Variants in SIRPD observed in about 807,000 individuals in gnomAD.
SIRPD encodes signal regulatory protein delta, also known as signal-regulatory protein delta.
Under a neutral mutation model 18.0 loss-of-function variants are expected in SIRPD, and 21 were observed. That is an observed-to-expected ratio of 1.17 (90% CI 0.83 to 1.68). The LOEUF (loss-of-function observed/expected upper bound fraction) is 1.68. SIRPD is among the 40% of genes most tolerant of loss of function. SIRPD has a pLI of 0.00. For missense variants in SIRPD, 295 were observed against 238.4 expected, an observed-to-expected ratio of 1.24 and a Z score of -1.56; for synonymous variants, 106 against 92.9, an observed-to-expected ratio of 1.14 and a Z score of -0.81.
At chr20:1,537,415 A>G in intron 2 of SIRPD, 105 bp from the exon 3 acceptor site, 1 of 1,303,632 alleles carries the variant, frequency 7.7e-7, no homozygotes, top group Non-Finnish European at 1.1e-6. Context: ...TAGATTGTGA[A>G]ATAGGAATCA....
intron 2 of SIRPD, among the ~76,000 whole-genome samples, chr20:1,549,625 G>C (rs965996701): frequency 1.4e-4 from 22 of 151,812 alleles, no homozygotes; most frequent in Admixed American, 2.0e-4. Context: ...GGTGGGTTTT[G>C]GTTCAAATAT....
intron 1 of SIRPD, among the ~76,000 whole-genome samples, chr20:1,556,143 G>A (rs1403105054): frequency 6.6e-6 from 1 of 152,160 alleles, no homozygotes. Context: ...ATACTCAAGG[G>A]GGAGACAGTG....
chr20:1,539,664 A>G (rs2090962163), intron 2 of SIRPD, among the ~76,000 whole-genome samples: 1 of 152,218 alleles, frequency 6.6e-6, no homozygotes, highest in African/African-American at 2.4e-5. Flanking sequence ...ATGAAAAAGT[A>G]AAAGTAACAG....
chr20:1,555,243 T>TGCTTATATGTGGAATGTC (rs2091035322), intron 1 of SIRPD, among the ~76,000 whole-genome samples: 1 of 152,198 alleles, frequency 6.6e-6, no homozygotes, highest in African/African-American at 2.4e-5. Flanking sequence ...CACATGATCT[T>TGCTTATATGTGGAATGTC]GCTTATATGT....
At chr20:1,547,190 T>G (rs1387924532) in intron 2 of SIRPD, among the ~76,000 whole-genome samples, 1 of 152,228 alleles carries the variant, frequency 6.6e-6, no homozygotes, top group Non-Finnish European at 1.5e-5. Flanking sequence ...TTGTATATGG[T>G]GTGAAGTAGG....
intron 1 of SIRPD, among the ~76,000 whole-genome samples, chr20:1,555,673 C>T (rs1452069728): frequency 6.6e-6 from 1 of 152,136 alleles, no homozygotes. Context: ...CCTTTAAAAA[C>T]AAATAAGTTC....
At chr20:1,543,306 G>A (rs138268862) in intron 2 of SIRPD, among the ~76,000 whole-genome samples, 1,536 of 152,078 alleles carry the variant, frequency 0.01, 33 homozygotes, top group African/African-American at 0.036. Flanking sequence ...CCTCAATTTC[G>A]GAACTTGTTA....
intron 1 of SIRPD, among the ~76,000 whole-genome samples, chr20:1,556,130 A>G (rs996945205): frequency 2.0e-5 from 3 of 152,238 alleles, no homozygotes; most frequent in Non-Finnish European, 2.9e-5. Context: ...TACACAACCT[A>G]ACATACTCAA....
rs746018787 is a variant in SIRPD, at chr20:1,537,228, C to A, written c.504G>T (p.Ser168=). ...RAHHDAHTCL[S]ALPERNSTNY... is the part of the protein sequence containing the mutation. ...TTGTGCTGTTTCTCTCAGGCAGGGCCGAGAGGCAGGTATGGGCATCATGGT... is the reference window on the plus strand; with the variant it reads ...TTGTGCTGTTTCTCTCAGGCAGGGCAGAGAGGCAGGTATGGGCATCATGGT... The change falls in exon 3 of 4, where the codon TCG becomes TCT. Residue 168 remains serine (S), a synonymous_variant. Transcript: ENST00000381623. The A allele has an allele frequency of 6.2e-7, 1 of 1,614,012 alleles. No homozygotes were observed. Among genetic ancestry groups the A allele is most frequent in the South Asian group, 1.1e-5 (1 of 91,078 alleles).
In SIRPD at chr20:1,537,261, G is replaced by A. The variant is rs778280557; in HGVS notation, c.471C>T (p.Ser157=). The part of the protein sequence containing the change: ...PKNRPAGRAG[S]RAHHDAHTCL... Reference sequence around the variant, plus strand: ...AGGTATGGGCATCATGGTGGGCCCTGGAGCCTGCTCTGCCTGCAGGTCTGT... The same window carrying A: ...AGGTATGGGCATCATGGTGGGCCCTAGAGCCTGCTCTGCCTGCAGGTCTGT... Residue 157 remains serine, a synonymous_variant, in exon 3 of 4, where the codon TCC becomes TCT. Coordinates refer to ENST00000381623, the MANE Select transcript of SIRPD (RefSeq NM_178460.3). The A allele has an allele frequency of 5.6e-6, 9 of 1,614,162 alleles. No individual in the cohort carries two copies. The East Asian group carries it at 2.0e-4, about 36-fold the overall frequency.
In SIRPD at chr20:1,551,761, G is replaced by A. The variant is rs376805676; in HGVS notation, c.351C>T (p.Cys117=). ...ISLADAGTYY[C]VKFIKGRAIK... is the part of the protein sequence containing the mutation. Reference sequence around the variant, plus strand: ...TAGCTCTTCCTTTTATGAACTTCACGCAGTAATAGGTGCCAGCATCAGCAA... The same window carrying A: ...TAGCTCTTCCTTTTATGAACTTCACACAGTAATAGGTGCCAGCATCAGCAA... Residue 117 remains cysteine, a synonymous_variant, in exon 2 of 4, where the codon TGC becomes TGT. Transcript: ENST00000381623. 4.1e-5 allele frequency: 66 copies of A among 1,613,930 alleles called. No individual in the cohort carries two copies. Among genetic ancestry groups the A allele is most frequent in the Middle Eastern group, 1.6e-4 (1 of 6,082 alleles).
rs1306447860 is a variant in SIRPD, at chr20:1,551,977, C to T, written c.135G>A (p.Glu45=). 2.5e-6 allele frequency: 4 copies of T among 1,614,058 alleles called. No individual in the cohort carries two copies. The highest frequency in any genetic ancestry group is 3.4e-6 in the Non-Finnish European group (4 of 1,179,970). The part of the protein sequence containing the change: ...TEMSQTVSTG[E]SIILSCSVPN... ...GTACGCTGCAACTCAAGATGATTGA[C>T]TCCCCAGTTGATACAGTCTGTGACA... Residue 45 remains glutamate (E), a synonymous_variant, in exon 2 of 4, where the codon GAG becomes GAA. Coordinates refer to ENST00000381623, the MANE Select transcript of SIRPD (RefSeq NM_178460.3).
rs1277719968 is a variant in SIRPD, at chr20:1,552,002, ATC to A, written c.108_109del (p.Glu36AspfsTer46). On this transcript the variant is annotated frameshift_variant, in exon 2 of 4. Coordinates refer to ENST00000381623, the MANE Select transcript of SIRPD (RefSeq NM_178460.3). LOFTEE classifies it high-confidence loss of function. The stretch of plus-strand genomic sequence containing the variant: ...CTCCCCAGTTGATACAGTCTGTGAC[ATC>A]TCCGTTTGTTGCACATGGAACACAT... 6.2e-7 allele frequency: 1 copy of A among 1,613,990 alleles called. No homozygotes were observed. Among genetic ancestry groups the A allele is most frequent in the Non-Finnish European group, 8.5e-7 (1 of 1,179,924 alleles).
At chr20:1,544,103 A>T (rs1334171635) in intron 2 of SIRPD, among the ~76,000 whole-genome samples, 1 of 152,078 alleles carries the variant, frequency 6.6e-6, no homozygotes, top group Non-Finnish European at 1.5e-5. Flanking sequence ...TGGGGTGGAG[A>T]GTTCTGTAGA....
intron 1 of SIRPD, among the ~76,000 whole-genome samples, chr20:1,555,386 TG>T (rs2091036049): frequency 6.6e-6 from 1 of 152,230 alleles, no homozygotes; most frequent in Admixed American, 6.5e-5. Flanking sequence ...CCTATAAAGT[TG>T]TAGTTAGACA....
chr20:1,540,210 C>T, intron 2 of SIRPD: 2 of 436,246 alleles, frequency 4.6e-6, no homozygotes, highest in Non-Finnish European at 4.6e-6. Context: ...GGCAGCAAAC[C>T]AGAAGCCAAA....
At chr20:1,534,468 A>G (rs767359981) in intron 3 of SIRPD, 27 bp from the exon 4 acceptor site, 2 of 1,594,474 alleles carry the variant, frequency 1.3e-6, no homozygotes, top group East Asian at 2.3e-5. Flanking sequence ...ATAAAATAAA[A>G]TAAAACATTT....
At chr20:1,551,226 C>T (rs140484588) in intron 2 of SIRPD, among the ~76,000 whole-genome samples, 42 of 152,310 alleles carry the variant, frequency 2.8e-4, no homozygotes, top group Admixed American at 1.6e-3. Flanking sequence ...TTTTCTCAAC[C>T]TTATTCCCCT....
intron 3 of SIRPD, among the ~76,000 whole-genome samples, chr20:1,534,658 A>T (rs1448598786): frequency 6.6e-6 from 1 of 152,184 alleles, no homozygotes; most frequent in Non-Finnish European, 1.5e-5. Context: ...CACAGTCATG[A>T]TCTTATGATC....
Sources: gnomAD v4.1 joint callset for allele counts (sites outside exome capture counted in the v4.1 genomes callset) on GRCh38, gnomAD v4.1.1 for gene constraint, MANE v1.5 for transcripts, NCBI Gene and HGNC (gene_info 2026-07-23, HGNC 2026-07-21) for gene names.